The following KANSL1L variants were observed in gnomAD, a reference collection of about 807,000 sequenced individuals.
The protein encoded by KANSL1L is KAT8 regulatory NSL complex subunit 1 like, also known as KAT8 regulatory NSL complex subunit 1-like protein.
KANSL1L carries 25 observed loss-of-function variants against 108.6 expected under a neutral mutation model. The observed-to-expected ratio is 0.23, with a 90% CI of 0.17 to 0.32. The LOEUF (loss-of-function observed/expected upper bound fraction) is 0.32, where lower values mean the gene tolerates loss of function less well. Ranked by LOEUF, KANSL1L falls within the 10% of genes least tolerant of loss-of-function variation. The probability of loss-of-function intolerance (pLI) is 1.00; values close to 1 mark genes in which losing one functional copy is unlikely to be tolerated. For missense variants in KANSL1L, 1,137 were observed against 1,125.7 expected (o/e 1.01, Z -0.14); for synonymous variants, 405 against 395.1 (o/e 1.03, Z -0.30).
chr2:210,052,069 A>G (rs536709763), intron 6 of KANSL1L, among the ~76,000 whole-genome samples: 2 of 144,120 alleles, frequency 1.4e-5, no homozygotes, highest in East Asian at 4.1e-4. Context: ...GGCACAATCT[A>G]TCAAGACTCA....
At chr2:210,139,742 C>CTTT (rs200971902) in intron 2 of KANSL1L, among the ~76,000 whole-genome samples, 5 of 134,364 alleles carry the variant, frequency 3.7e-5, no homozygotes, top group African/African-American at 1.1e-4. Flanking sequence ...TGCCCATTTC[C>CTTT]TTTTTTTTTT....
At chr2:210,089,688 A>G (rs1249515500) in intron 5 of KANSL1L, among the ~76,000 whole-genome samples, 2 of 150,552 alleles carry the variant, frequency 1.3e-5, no homozygotes, top group African/African-American at 2.4e-5. Flanking sequence ...AAAAGTTAAA[A>G]TCTTTTTGGG....
chr2:210,167,750 T>C (rs953639508), intron 1 of KANSL1L, among the ~76,000 whole-genome samples: 9 of 152,044 alleles, frequency 5.9e-5, no homozygotes, highest in Non-Finnish European at 1.2e-4. Flanking sequence ...ATATTATTAA[T>C]GAATTTTCAC....
intron 9 of KANSL1L, among the ~76,000 whole-genome samples, chr2:210,030,398 A>G (rs556488681): frequency 6.6e-6 from 1 of 151,858 alleles, no homozygotes; most frequent in East Asian, 1.9e-4. Flanking sequence ...TTTTTTTAAA[A>G]CAGCATCCTG....
intron 2 of KANSL1L, among the ~76,000 whole-genome samples, chr2:210,144,383 T>C (rs10932320): frequency 0.47 from 72,159 of 152,074 alleles, 19,629 homozygotes; most frequent in Middle Eastern, 0.61. Context: ...TTTCAATCAT[T>C]ATTTCTTTAA....
chr2:210,145,817 T>C (rs954835895), intron 2 of KANSL1L, among the ~76,000 whole-genome samples: 2 of 152,126 alleles, frequency 1.3e-5, no homozygotes, highest in Non-Finnish European at 2.9e-5. Context: ...ATGGTTCTTG[T>C]GTTTGAGGTG....
intron 4 of KANSL1L, among the ~76,000 whole-genome samples, chr2:210,100,473 T>C (rs2094783085): frequency 6.6e-6 from 1 of 152,246 alleles, no homozygotes; most frequent in African/African-American, 2.4e-5. Flanking sequence ...TACAACTCAA[T>C]AGTGCCTTTA....
At chr2:210,145,478 A>C (rs1265855794) in intron 2 of KANSL1L, among the ~76,000 whole-genome samples, 5 of 152,236 alleles carry the variant, frequency 3.3e-5, no homozygotes, top group African/African-American at 4.8e-5. Flanking sequence ...TGAGATCCAA[A>C]GCAGCAGCAC....
chr2:210,093,141 C>G (rs1050085082), intron 5 of KANSL1L, among the ~76,000 whole-genome samples: 7 of 151,900 alleles, frequency 4.6e-5, no homozygotes, highest in African/African-American at 1.7e-4. Context: ...TTCATTTTTG[C>G]TGTTGTTGTT....
chr2:210,031,551 A>G lies in KANSL1L; in HGVS notation c.2030-5T>C. The G allele has an allele frequency of 6.7e-7, 1 of 1,488,618 alleles. No individual in the cohort carries two copies. The highest frequency in any genetic ancestry group is 9.1e-7 in the Non-Finnish European group (1 of 1,096,024). 92.2% of individuals were successfully genotyped at this position (1,488,618 alleles called of 1,614,324 possible). A position where few individuals can be genotyped will look rare whatever the true frequency, so the allele number is the denominator to read the frequency against. On this transcript the variant is annotated splice_region_variant and splice_polypyrimidine_tract_variant and intron_variant, in intron 8 of 14. Coordinates refer to ENST00000281772, the MANE Select transcript of KANSL1L (RefSeq NM_152519.4). ...ATTGATTCAGAGTACTATGTACTAA[A>G]ACAAATGAAAAGGAAATATTAAGTT...
intron 1 of KANSL1L, 89 bp downstream of exon 1, chr2:210,171,060 G>A (rs1353690651): frequency 6.6e-6 from 1 of 152,542 alleles, no homozygotes; most frequent in Non-Finnish European, 1.5e-5. Flanking sequence ...AAGTCCACCC[G>A]GCAGTCTTCT....
At chr2:210,164,615 C>T (rs947495976) in intron 1 of KANSL1L, among the ~76,000 whole-genome samples, 8 of 151,988 alleles carry the variant, frequency 5.3e-5, no homozygotes, top group South Asian at 2.1e-4. Context: ...TGCAGAACTT[C>T]GAAGAACCTA....
intron 5 of KANSL1L, among the ~76,000 whole-genome samples, chr2:210,082,000 C>T (rs2094593996): frequency 6.6e-6 from 1 of 152,112 alleles, no homozygotes; most frequent in South Asian, 2.1e-4. Context: ...CTGGTATGAA[C>T]ACAGCTCACA....
At chr2:210,079,462 G>C (rs1340459499) in intron 5 of KANSL1L, among the ~76,000 whole-genome samples, 1 of 150,332 alleles carries the variant, frequency 6.7e-6, no homozygotes, top group Non-Finnish European at 1.5e-5. Context: ...TGGCCCTGGT[G>C]GCCCATACCT....
chr2:210,169,179 G>C (rs567634736), intron 1 of KANSL1L, among the ~76,000 whole-genome samples: 3 of 152,094 alleles, frequency 2.0e-5, no homozygotes, highest in African/African-American at 7.2e-5. Flanking sequence ...AACAAAAACA[G>C]ACTCTTTGGC....
chr2:210,100,665 G>A (rs961913310), intron 4 of KANSL1L, among the ~76,000 whole-genome samples: 6 of 152,156 alleles, frequency 3.9e-5, no homozygotes, highest in African/African-American at 1.4e-4. Context: ...TTCAGACAGT[G>A]TCTCGTTCTG....
rs183799651 is a variant in KANSL1L at position 210,126,534 on chromosome 2, G to T, written c.1230+2497C>A. Among the ~76,000 whole-genome samples the T allele has an allele frequency of 6.6e-5, 10 of 152,280 alleles. No homozygotes were observed. The East Asian group carries it at 1.9e-3, about 29-fold the overall frequency. ...ATCTCTAAAAAAACACAAATCTAGAGTTGGGCTCGGTGGCCCACACCTGTA... is the reference window on the plus strand; with the variant it reads ...ATCTCTAAAAAAACACAAATCTAGATTTGGGCTCGGTGGCCCACACCTGTA... On this transcript the variant is annotated intron_variant, in intron 3 of 14. Transcript: ENST00000281772.
intron 1 of KANSL1L, among the ~76,000 whole-genome samples, chr2:210,169,907 T>A (rs1228071505): frequency 6.6e-6 from 1 of 152,212 alleles, no homozygotes; most frequent in Non-Finnish European, 1.5e-5. Context: ...TGGTAGAGAT[T>A]AGGAATCACT....
At chr2:210,135,338 T>C (rs1008322720) in intron 2 of KANSL1L, among the ~76,000 whole-genome samples, 13 of 152,154 alleles carry the variant, frequency 8.5e-5, no homozygotes, top group Admixed American at 7.9e-4. Flanking sequence ...GACATTTGGG[T>C]AGCCAAAGAG....
Sources: allele counts gnomAD v4.1 joint callset (sites outside exome capture counted in the v4.1 genomes callset), GRCh38; gene constraint gnomAD v4.1.1; transcripts MANE v1.5; gene names NCBI Gene and HGNC (gene_info 2026-07-23, HGNC 2026-07-21).